The following DOCK8 variants were observed in gnomAD, a reference collection of about 807,000 sequenced individuals.
DOCK8 encodes dedicator of cytokinesis 8.
DOCK8 carries 141 observed loss-of-function variants against 245.6 expected under a neutral mutation model. That is an observed-to-expected ratio of 0.57 (90% CI 0.50 to 0.66). The LOEUF (loss-of-function observed/expected upper bound fraction) is 0.66, where lower values mean the gene tolerates loss of function less well. Among genes scored for constraint, DOCK8 ranks in the 30% least tolerant of loss-of-function variants. The probability of loss-of-function intolerance (pLI) is 0.00; values close to 1 mark genes in which losing one functional copy is unlikely to be tolerated. For synonymous variants in DOCK8, 1,168 were observed against 970.2 expected (o/e 1.20, Z -3.79); for missense variants, 2,965 against 2,603.4 (o/e 1.14, Z -3.02).
intron 20 of DOCK8, among the ~76,000 whole-genome samples, chr9:378,959 G>C (rs1041415640): frequency 1.2e-4 from 18 of 152,192 alleles, no homozygotes; most frequent in Non-Finnish European, 2.2e-4. Context: ...GTACTGTGTG[G>C]AGTCAGACGG....
intron 13 of DOCK8, among the ~76,000 whole-genome samples, chr9:339,701 A>G (rs2051487429): frequency 6.6e-6 from 1 of 152,156 alleles, no homozygotes; most frequent in Admixed American, 6.5e-5. Flanking sequence ...TTTTTAGTAG[A>G]GACAGGGTTT....
rs533492555 is a variant in DOCK8 at position 429,755 on chromosome 9, C to T, written c.4527C>T (p.His1509=). 3.7e-6 allele frequency: 6 copies of T among 1,614,038 alleles called. No individual in the cohort carries two copies. The highest frequency in any genetic ancestry group is 5.1e-6 in the Non-Finnish European group (6 of 1,180,042). ...EEVEQCFDLC[H]QVLHHCSSSM... Reference sequence around the variant, plus strand: ...TGGAACAGTGTTTCGACCTATGTCACCAAGTCCTGCACCACTGCAGCAGCA... The same window carrying T: ...TGGAACAGTGTTTCGACCTATGTCATCAAGTCCTGCACCACTGCAGCAGCA... The change falls in exon 36 of 48, where the codon CAC becomes CAT. Residue 1509 remains histidine, a synonymous_variant. Coordinates refer to ENST00000432829, the MANE Select transcript of DOCK8 (RefSeq NM_203447.4).
intron 7 of DOCK8, among the ~76,000 whole-genome samples, chr9:317,456 C>G (rs1185693460): frequency 2.6e-5 from 4 of 152,146 alleles, no homozygotes; most frequent in Admixed American, 6.5e-5. Flanking sequence ...TGTACTAACT[C>G]GTGAGATCTG....
intron 28 of DOCK8, among the ~76,000 whole-genome samples, chr9:409,738 C>G (rs1016343666): frequency 1.3e-5 from 2 of 152,068 alleles, no homozygotes; most frequent in African/African-American, 4.8e-5. Flanking sequence ...CCACTCCCCC[C>G]ACCCCATGAC....
At chr9:432,512 C>G (rs994873914) in intron 37 of DOCK8, among the ~76,000 whole-genome samples, 188 bp downstream of exon 37, 1 of 152,120 alleles carries the variant, frequency 6.6e-6, no homozygotes, top group Non-Finnish European at 1.5e-5. Flanking sequence ...ATCACTGTCC[C>G]CAGTCTCAAT....
chr9:377,815 C>T (rs2053582643), intron 20 of DOCK8, among the ~76,000 whole-genome samples: 1 of 152,166 alleles, frequency 6.6e-6, no homozygotes, highest in Admixed American at 6.5e-5. Flanking sequence ...ATTTTAAATG[C>T]TTACTTTTAA....
intron 25 of DOCK8, among the ~76,000 whole-genome samples, chr9:397,639 G>C (rs924479091): frequency 1.3e-5 from 2 of 151,996 alleles, no homozygotes; most frequent in Non-Finnish European, 2.9e-5. Context: ...GCAGTGAGCC[G>C]AGATGGTACC....
At chr9:310,489 G>A (rs1016726950) in intron 5 of DOCK8, among the ~76,000 whole-genome samples, 13 of 152,078 alleles carry the variant, frequency 8.5e-5, no homozygotes, top group Admixed American at 2.6e-4. Flanking sequence ...ACGGAGTCTC[G>A]CTCTTGTTGC....
At chr9:375,709 G>C (rs1387309837) in intron 18 of DOCK8, among the ~76,000 whole-genome samples, 1 of 152,152 alleles carries the variant, frequency 6.6e-6, no homozygotes, top group Non-Finnish European at 1.5e-5. Flanking sequence ...AAAATAACTA[G>C]TTTGAAGCGG....
intron 28 of DOCK8, among the ~76,000 whole-genome samples, chr9:411,594 G>C (rs1672427565): frequency 6.6e-6 from 1 of 152,022 alleles, no homozygotes; most frequent in African/African-American, 2.4e-5. Context: ...TTCCCCACTT[G>C]TTCTATGAAG....
chr9:317,100 A>G lies in DOCK8; in HGVS notation c.799A>G (p.Arg267Gly). 1 of 1,614,028 alleles carries G rather than the reference A, an allele frequency of 6.2e-7. No homozygotes were observed. The highest frequency in any genetic ancestry group is 8.5e-7 in the Non-Finnish European group (1 of 1,179,848). ...PECPKEHLGN[R>G]ILVKLLTLKF... ...ATGTCCCAAGGAACACCTGGGCAACAGAATATTGGTCAAGTTGCTGACCTT... is the reference window on the plus strand; with the variant it reads ...ATGTCCCAAGGAACACCTGGGCAACGGAATATTGGTCAAGTTGCTGACCTT... Residue 267 changes from arginine (R) to glycine (G), a missense_variant, in exon 7 of 48, where the codon AGA becomes GGA. Arg to Gly is a moderately radical substitution (Grantham distance 125). Coordinates refer to ENST00000432829, the MANE Select transcript of DOCK8 (RefSeq NM_203447.4).
intron 29 of DOCK8, among the ~76,000 whole-genome samples, chr9:417,302 A>ATAAC (rs1294962090): frequency 1.3e-5 from 2 of 152,216 alleles, no homozygotes; most frequent in Non-Finnish European, 2.9e-5. Context: ...AAATAAATAA[A>ATAAC]TAATAAGAAC....
Position 233,868 on chromosome 9 carries a change from C to A in DOCK8, c.53+18839C>A, listed in dbSNP as rs1331826064. On this transcript the variant is annotated intron_variant, in intron 1 of 47. Transcript: ENST00000432829. ...CTTTATCCAATTTGCCAGTCTGTGTCTTTTAATTGGAGCATTTAGCCCATT... is the reference window on the plus strand; with the variant it reads ...CTTTATCCAATTTGCCAGTCTGTGTATTTTAATTGGAGCATTTAGCCCATT... Among the ~76,000 whole-genome samples the A allele has an allele frequency of 2.0e-5, 3 of 152,048 alleles. No individual in the cohort carries two copies. In the East Asian group the frequency reaches 5.8e-4, roughly 29 times the overall value.
At chr9:359,976 A>T (rs1010979184) in intron 14 of DOCK8, among the ~76,000 whole-genome samples, 7 of 152,196 alleles carry the variant, frequency 4.6e-5, no homozygotes, top group African/African-American at 1.7e-4. Context: ...GCATGTTGCT[A>T]GTAGTTTACT....
chr9:214,275 A>G (rs2046680042), upstream of DOCK8: 1 of 515,534 alleles, frequency 1.9e-6, no homozygotes, highest in Admixed American at 3.8e-5. Flanking sequence ...CGCCGCCTTC[A>G]GTGTTTCTCC....
At chr9:292,201 T>A (rs2049069768) in intron 4 of DOCK8, among the ~76,000 whole-genome samples, 1 of 150,208 alleles carries the variant, frequency 6.7e-6, no homozygotes, top group Admixed American at 6.6e-5. Context: ...AGAAACCCAG[T>A]CTCTACTAAA....
chr9:439,869 G>A (rs577028372), intron 40 of DOCK8, among the ~76,000 whole-genome samples: 299 of 152,156 alleles, frequency 2.0e-3, no homozygotes, highest in African/African-American at 6.8e-3. Context: ...CACAGACCAG[G>A]ACCAGCTTAC....
chr9:355,192 C>CTTTTTTTTTTT lies in DOCK8; in HGVS notation c.1680-12806_1680-12796dup, dbSNP rs749045514. ...AGACTGGTGTATTTCTGTTTCTTTT[C>CTTTTTTTTTTT]TTTTTTTTTTTTTTTTTTTTTTTTT... On this transcript the variant is annotated intron_variant, in intron 14 of 47. Coordinates refer to ENST00000432829, the MANE Select transcript of DOCK8 (RefSeq NM_203447.4). 1.0e-3 allele frequency among the ~76,000 whole-genome samples: 124 copies of CTTTTTTTTTTT among 121,058 alleles called. 1 individual carries two copies. Among genetic ancestry groups the CTTTTTTTTTTT allele is most frequent in the Middle Eastern group, 4.5e-3 (1 of 224 alleles). 79.4% of individuals were successfully genotyped at this position (121,058 alleles called of 152,430 possible).
chr9:262,640 G>T (rs1016150041), intron 1 of DOCK8, among the ~76,000 whole-genome samples: 2 of 151,632 alleles, frequency 1.3e-5, no homozygotes, highest in Non-Finnish European at 2.9e-5. Context: ...GATCTACAGT[G>T]ACAGAAAGCA....
Sources: gnomAD v4.1 joint callset for allele counts (sites outside exome capture counted in the v4.1 genomes callset) on GRCh38, gnomAD v4.1.1 for gene constraint, MANE v1.5 for transcripts, NCBI Gene and HGNC (gene_info 2026-07-23, HGNC 2026-07-21) for gene names.